Variants in SYT2 observed in about 807,000 individuals in gnomAD.
SYT2 encodes synaptotagmin-2.
In SYT2, 15 loss-of-function variants were observed where a neutral mutation model predicts 39.9. The ratio of observed to expected loss-of-function variants is 0.38; its 90% CI spans 0.25 to 0.58. The LOEUF (loss-of-function observed/expected upper bound fraction) is 0.58. Ranked by LOEUF, SYT2 falls within the 20% of genes least tolerant of loss-of-function variation. The pLI, the probability that SYT2 is intolerant of heterozygous loss-of-function variation, is 0.70. For synonymous variants in SYT2, 181 were observed against 204.5 expected (o/e 0.89, Z 0.98); for missense variants, 389 against 530.3 (o/e 0.73, Z 2.62).
intron 1 of SYT2, among the ~76,000 whole-genome samples, chr1:202,680,815 G>T (rs1413937716): frequency 6.6e-6 from 1 of 152,164 alleles, no homozygotes; most frequent in Non-Finnish European, 1.5e-5. Context: ...CATGCAGAGT[G>T]GTGGTGTGAT....
chr1:202,605,344 A>G (rs1252578000), intron 2 of SYT2: 1 of 345,946 alleles, frequency 2.9e-6, no homozygotes, highest in African/African-American at 2.1e-5. Flanking sequence ...TCATCTTTAG[A>G]CAGTTTTTTA....
chr1:202,615,525 T>C (rs1691010311), intron 1 of SYT2, among the ~76,000 whole-genome samples: 1 of 152,156 alleles, frequency 6.6e-6, no homozygotes, highest in Non-Finnish European at 1.5e-5. Flanking sequence ...TAGCCTCCTA[T>C]CTGGAAGCTT....
At chr1:202,615,981 C>T (rs138369615) in intron 1 of SYT2, among the ~76,000 whole-genome samples, 4 of 152,270 alleles carry the variant, frequency 2.6e-5, no homozygotes, top group African/African-American at 9.6e-5. Context: ...TTCTCCATGG[C>T]TACCCCCGAC....
chr1:202,708,827 C>T (rs1654316779), intron 1 of SYT2, among the ~76,000 whole-genome samples: 1 of 152,226 alleles, frequency 6.6e-6, no homozygotes, highest in Admixed American at 6.5e-5. Flanking sequence ...CTTTTTTCAG[C>T]ACCTCTGCTG....
At chr1:202,677,140 C>A (rs1021042339) in intron 1 of SYT2, among the ~76,000 whole-genome samples, 1 of 152,224 alleles carries the variant, frequency 6.6e-6, no homozygotes, top group Non-Finnish European at 1.5e-5. Context: ...TTGATGAAAT[C>A]TCTCTTCTTC....
At chr1:202,698,114 C>G (rs537577954) in intron 1 of SYT2, among the ~76,000 whole-genome samples, 1 of 151,202 alleles carries the variant, frequency 6.6e-6, no homozygotes, top group Admixed American at 6.6e-5. Flanking sequence ...GTCTCACCAC[C>G]CCCCCAAGGA....
At chr1:202,604,330 A>C in intron 3 of SYT2, 125 bp downstream of exon 3, 1 of 946,418 alleles carries the variant, frequency 1.1e-6, no homozygotes, top group Non-Finnish European at 1.6e-6. Flanking sequence ...TAACTGAGAG[A>C]GCCAAGTTTT....
intron 1 of SYT2, among the ~76,000 whole-genome samples, chr1:202,664,009 A>G (rs1692438154): frequency 6.6e-6 from 1 of 152,230 alleles, no homozygotes; most frequent in Admixed American, 6.5e-5. Context: ...ATGAGGCAGC[A>G]TCGGGGATGT....
rs202181629 is a variant in SYT2 at position 202,605,766 on chromosome 1, T to C, written c.7A>G (p.Asn3Asp). Residue 3 changes from asparagine to aspartate, a missense_variant, in exon 2 of 9, where the codon AAC becomes GAC. By Grantham distance (23) the Asn-to-Asp change is conservative. This residue lies in a region of SYT2 where 280 missense variants were observed against 335.6 expected (regional missense o/e 0.83). Coordinates refer to ENST00000367268, the MANE Select transcript of SYT2 (RefSeq NM_177402.5). ...GGCTCCTGGTTCCTCTTGAAAATGT[T>C]CCTCATGGTGGCAGAGGAAACAGCT... MR[N>D]IFKRNQEPIV... 6.5e-5 allele frequency: 105 copies of C among 1,613,864 alleles called. No homozygotes were observed. Among genetic ancestry groups the C allele is most frequent in the Non-Finnish European group, 8.3e-5 (98 of 1,179,904 alleles).
intron 1 of SYT2, chr1:202,630,502 G>A (rs542258215): frequency 1.5e-6 from 1 of 646,368 alleles, no homozygotes; most frequent in East Asian, 1.4e-4. Context: ...AGGAGGAGAT[G>A]GGGTGGGCTT....
intron 1 of SYT2, among the ~76,000 whole-genome samples, chr1:202,687,559 C>A (rs538821799): frequency 1.3e-5 from 2 of 151,826 alleles, no homozygotes; most frequent in South Asian, 4.2e-4. Flanking sequence ...GGAAGAGGGC[C>A]TCCCCTTGAC....
chr1:202,591,320 T>TGCCA lies in SYT2; in HGVS notation c.*5433_*5436dup, dbSNP rs1457598342. The TGCCA allele has an allele frequency of 6.5e-6, 1 of 152,684 alleles. No individual in the cohort carries two copies. Among genetic ancestry groups the TGCCA allele is most frequent in the Non-Finnish European group, 1.5e-5 (1 of 68,378 alleles). 9.5% of individuals were successfully genotyped at this position (152,684 alleles called of 1,614,324 possible). On this transcript the variant is annotated 3_prime_UTR_variant, in exon 9 of 9. Transcript: ENST00000367268. ...TCTCCTTCCTCATACTTGTCACAGT[T>TGCCA]GCCAGGCCTGAGGCATCCTGGGCTC...
At chr1:202,707,140 A>G (rs1262850949) in intron 1 of SYT2, among the ~76,000 whole-genome samples, 2 of 152,220 alleles carry the variant, frequency 1.3e-5, no homozygotes, top group African/African-American at 2.4e-5. Context: ...TCAAAATGCA[A>G]TAGTGGAACG....
chr1:202,699,002 CA>C (rs1375708477), intron 1 of SYT2, among the ~76,000 whole-genome samples: 1 of 145,156 alleles, frequency 6.9e-6, no homozygotes, highest in Non-Finnish European at 1.5e-5. Flanking sequence ...AACCAGTAAC[CA>C]AACTGTCTTT....
intron 1 of SYT2, among the ~76,000 whole-genome samples, chr1:202,612,872 G>A (rs1028405752): frequency 4.6e-5 from 7 of 152,030 alleles, no homozygotes; most frequent in African/African-American, 1.7e-4. Context: ...TTTCCTTCAA[G>A]ATTGTTTTGT....
rs1690159247 is a variant in SYT2 at position 202,592,526 on chromosome 1, A to G, written c.*4231T>C. 6.6e-6 allele frequency: 1 copy of G among 152,268 alleles called. No homozygotes were observed. Among genetic ancestry groups the G allele is most frequent in the Non-Finnish European group, 1.5e-5 (1 of 68,046 alleles). 9.4% of individuals were successfully genotyped at this position (152,268 alleles called of 1,614,324 possible). On this transcript the variant is annotated 3_prime_UTR_variant, in exon 9 of 9. Transcript: ENST00000367268. ...TCAGCATTGCCATGCGGCTATTTAC[A>G]GAAAGTTATAGACATGCATCTTGAT...
intron 2 of SYT2, chr1:202,605,017 C>A: frequency 5.5e-6 from 1 of 181,170 alleles, no homozygotes; most frequent in Admixed American, 5.7e-5. Flanking sequence ...GCCCCTTGTG[C>A]CAAGTCTTGA....
rs115226814 is a variant in SYT2, at chr1:202,708,142, C to T, written c.-18+2116G>A. 7.2e-3 allele frequency among the ~76,000 whole-genome samples: 1,097 copies of T among 152,236 alleles called. 14 individuals carry two copies. The highest frequency in any genetic ancestry group is 0.026 in the African/African-American group (1,059 of 41,524). On this transcript the variant is annotated intron_variant, in intron 1 of 8. Coordinates refer to ENST00000367268, the MANE Select transcript of SYT2 (RefSeq NM_177402.5). ...TCTCTAGGTGAAAAGTCAATGTTTACGAACACCAACACTTTTTGCTTCCCC... is the reference window on the plus strand; with the variant it reads ...TCTCTAGGTGAAAAGTCAATGTTTATGAACACCAACACTTTTTGCTTCCCC...
At chr1:202,639,824 G>A (rs1934663) in intron 1 of SYT2, 302,230 of 985,086 alleles carry the variant, frequency 0.31, 49,771 homozygotes, top group African/African-American at 0.6. Flanking sequence ...GACACAGGAC[G>A]TTGGGGCATT....
Sources: gnomAD v4.1 joint callset for allele counts (sites outside exome capture counted in the v4.1 genomes callset) on GRCh38, gnomAD v4.1.1 for gene constraint, gnomAD v4.1.1 regional missense constraint, MANE v1.5 for transcripts, NCBI Gene and HGNC (gene_info 2026-07-23, HGNC 2026-07-21) for gene names.